GTF2IRD1: variants seen among roughly 807,000 people sequenced by gnomAD.
GTF2IRD1 encodes the protein GTF2I repeat domain containing 1.
Under a neutral mutation model 113.2 loss-of-function variants are expected in GTF2IRD1, and 26 were observed. The ratio of observed to expected loss-of-function variants is 0.23; its 90% CI spans 0.17 to 0.32. The LOEUF (loss-of-function observed/expected upper bound fraction) is 0.32, where lower values mean the gene tolerates loss of function less well. GTF2IRD1 is among the 10% of genes least tolerant of loss of function. GTF2IRD1 has a pLI of 1.00. For synonymous variants in GTF2IRD1, 484 were observed against 529.1 expected (o/e 0.91, Z 1.17); for missense variants, 864 against 1,280.8 (o/e 0.67, Z 4.97).
rs191451503 is a variant in GTF2IRD1, at chr7:74,512,936, G to A, written c.230G>A (p.Arg77Gln). 6.2e-5 allele frequency: 100 copies of A among 1,614,068 alleles called. No individual in the cohort carries two copies. In the Admixed American group the frequency reaches 1.4e-3, roughly 22 times the overall value. Reference protein sequence around the residue: ...TEKGRMFLNARKELQSDFLRF... With the variant: ...TEKGRMFLNAQKELQSDFLRF... ...AAGGGGAGAATGTTCCTGAATGCCCGGAAGGAGCTACAGTCAGACTTCCTC... is the reference window on the plus strand; with the variant it reads ...AAGGGGAGAATGTTCCTGAATGCCCAGAAGGAGCTACAGTCAGACTTCCTC... The change falls in exon 3 of 27, where the codon CGG (arginine) becomes CAG (glutamine). Residue 77 changes from arginine (R) to glutamine (Q), a missense_variant. By Grantham distance (43) the Arg-to-Gln change is conservative. Around this residue, in one of 7 missense-constraint regions of GTF2IRD1, gnomAD observed 182 missense variants for 266.6 expected, o/e 0.68. Coordinates refer to ENST00000424337, the MANE Select transcript of GTF2IRD1 (RefSeq NM_005685.4). This position sits in a 1 kb window ranked among gnomAD's most constrained non-coding sequence, Gnocchi z 4.4.
intron 2 of GTF2IRD1, among the ~76,000 whole-genome samples, chr7:74,508,687 T>C (rs781954962): frequency 1.8e-3 from 225 of 128,490 alleles, no homozygotes; most frequent in Middle Eastern, 7.6e-3. Context: ...CAAGACTCCG[T>C]CTTAAAAAAA....
chr7:74,554,420 G>A (rs1799482966), intron 17 of GTF2IRD1, among the ~76,000 whole-genome samples: 1 of 152,148 alleles, frequency 6.6e-6, no homozygotes, highest in Non-Finnish European at 1.5e-5. Flanking sequence ...TACAGAGCTG[G>A]GCTTGGTCAC....
intron 1 of GTF2IRD1, among the ~76,000 whole-genome samples, chr7:74,488,686 A>C (rs1795154999): frequency 6.6e-6 from 1 of 152,088 alleles, no homozygotes; most frequent in Non-Finnish European, 1.5e-5. Context: ...TGAGTCTAGG[A>C]GAGATCAAGA....
chr7:74,570,134 G>A (rs1554362176), intron 22 of GTF2IRD1, among the ~76,000 whole-genome samples: 2 of 152,098 alleles, frequency 1.3e-5, no homozygotes, highest in East Asian at 3.9e-4. Flanking sequence ...GGCTGAGGCG[G>A]GTAGATCACC....
chr7:74,462,709 T>C (rs1010411512), intron 1 of GTF2IRD1, among the ~76,000 whole-genome samples: 4 of 152,132 alleles, frequency 2.6e-5, no homozygotes, highest in Middle Eastern at 3.2e-3. Context: ...CTGCACCCCA[T>C]CACTACCCAC....
At chr7:74,550,250 A>AG (rs1799225503) in intron 17 of GTF2IRD1, among the ~76,000 whole-genome samples, 1 of 145,990 alleles carries the variant, frequency 6.8e-6, no homozygotes, top group Non-Finnish European at 1.5e-5. Flanking sequence ...AACTCATGAT[A>AG]GACATATAGC....
chr7:74,477,342 C>T (rs546803583), intron 1 of GTF2IRD1, among the ~76,000 whole-genome samples: 5 of 123,036 alleles, frequency 4.1e-5, no homozygotes, highest in African/African-American at 1.7e-4. Context: ...CCAGCCTGGG[C>T]GACAGTTTTT....
chr7:74,517,396 C>T (rs139482304), intron 4 of GTF2IRD1, among the ~76,000 whole-genome samples: 52 of 150,276 alleles, frequency 3.5e-4, no homozygotes, highest in Non-Finnish European at 1.0e-4. Flanking sequence ...TTCTCTCCCC[C>T]CTCTCGGTCT....
At chr7:74,577,780 G>A (rs1174172142) in intron 22 of GTF2IRD1, among the ~76,000 whole-genome samples, 8 of 151,972 alleles carry the variant, frequency 5.3e-5, no homozygotes, top group African/African-American at 1.9e-4. Flanking sequence ...AGCCCCTCGA[G>A]TGGCTAGGAC....
At chr7:74,545,467 A>G (rs1378818039) in intron 15 of GTF2IRD1, among the ~76,000 whole-genome samples, 1 of 152,102 alleles carries the variant, frequency 6.6e-6, no homozygotes, top group Non-Finnish European at 1.5e-5. Flanking sequence ...CATACCTAGA[A>G]AGACCCATGG....
chr7:74,590,651 A>C lies in GTF2IRD1; in HGVS notation c.2399-174A>C, dbSNP rs587659796. ...CGTGATCCTCCTGCCTCAGCCTCCC[A>C]AAGTGCTGGGATTACAGGCGTGAGC... is the stretch of plus-strand genomic sequence containing the variant. On this transcript the variant is annotated intron_variant, in intron 23 of 26. Transcript: ENST00000424337. Among the ~76,000 whole-genome samples, 63 of 152,196 alleles carry C rather than the reference A, an allele frequency of 4.1e-4. 2 individuals carry two copies. The East Asian group carries it at 4.3e-3, about 10-fold the overall frequency.
chr7:74,456,607 C>T (rs782674029), intron 1 of GTF2IRD1, among the ~76,000 whole-genome samples: 6 of 151,814 alleles, frequency 4.0e-5, no homozygotes, highest in Non-Finnish European at 7.4e-5. Flanking sequence ...CGCTTGAACC[C>T]GGGAGGTGGA....
chr7:74,488,198 G>A (rs532458587), intron 1 of GTF2IRD1, among the ~76,000 whole-genome samples: 1 of 152,178 alleles, frequency 6.6e-6, no homozygotes, highest in East Asian at 1.9e-4. Flanking sequence ...CGGGAGGATC[G>A]CTTGAGCCCA....
intron 1 of GTF2IRD1, among the ~76,000 whole-genome samples, chr7:74,478,611 A>G (rs1457630053): frequency 6.6e-6 from 1 of 152,066 alleles, no homozygotes; most frequent in Non-Finnish European, 1.5e-5. Flanking sequence ...ACATGCCACC[A>G]CGCCCAACTA....
intron 22 of GTF2IRD1, among the ~76,000 whole-genome samples, chr7:74,587,715 G>C (rs587754302): frequency 2.2e-4 from 33 of 152,224 alleles, no homozygotes; most frequent in Non-Finnish European, 8.8e-5. Flanking sequence ...CTGCTGCAGA[G>C]CTCTGCCCCA....
At chr7:74,537,412 C>CAA (rs781969047) in intron 11 of GTF2IRD1, among the ~76,000 whole-genome samples, 3 of 125,052 alleles carry the variant, frequency 2.4e-5, no homozygotes, top group East Asian at 2.3e-4. Flanking sequence ...GACTCCGTCT[C>CAA]AAAAAAAAAA....
Position 74,555,481 on chromosome 7 carries a change from A to G in GTF2IRD1, c.2010A>G (p.Arg670=), listed in dbSNP as rs781830372. The change falls in exon 19 of 27, where the codon AGA becomes AGG. Residue 670 remains arginine (R), a synonymous_variant. Transcript: ENST00000424337. The surrounding 1 kb of genome is among the most constrained non-coding windows in gnomAD (Gnocchi z 5.3). ...GDPLVDESLK[R]QGFQENYDAR... is the part of the protein sequence containing the mutation. ...CTCTGGTGGACGAGAGCCTGAAGAG[A>G]CAGGGCTTTCAAGGTAAGGTTGAGC... 9 of 1,607,686 alleles carry G rather than the reference A, an allele frequency of 5.6e-6. No individual in the cohort carries two copies. The highest frequency in any genetic ancestry group is 6.8e-6 in the Non-Finnish European group (8 of 1,174,238).
chr7:74,549,558 A>G (rs1341565860), intron 17 of GTF2IRD1, among the ~76,000 whole-genome samples: 9 of 152,200 alleles, frequency 5.9e-5, no homozygotes, highest in Non-Finnish European at 1.2e-4. Flanking sequence ...GCTGGAGAGC[A>G]AGAGTCATGA....
intron 17 of GTF2IRD1, among the ~76,000 whole-genome samples, chr7:74,552,836 T>C (rs1799389912): frequency 6.6e-6 from 1 of 152,118 alleles, no homozygotes; most frequent in Admixed American, 6.6e-5. Context: ...TGTTGTTTGT[T>C]TGTTTTCTAT....
Sources: allele counts gnomAD v4.1 joint callset (sites outside exome capture counted in the v4.1 genomes callset), GRCh38; gene constraint gnomAD v4.1.1; regional missense constraint gnomAD v4.1.1; non-coding constraint Gnocchi (gnomAD v3.1); transcripts MANE v1.5; gene names NCBI Gene and HGNC (gene_info 2026-07-23, HGNC 2026-07-21).